The following GRIK2 variants were observed in gnomAD, a reference collection of about 807,000 sequenced individuals.
The protein encoded by GRIK2 is glutamate ionotropic receptor kainate type subunit 2.
In GRIK2, 32 loss-of-function variants were observed where a neutral mutation model predicts 100.3. The ratio of observed to expected loss-of-function variants is 0.32; its 90% confidence interval spans 0.24 to 0.43. The LOEUF (loss-of-function observed/expected upper bound fraction) is 0.43, where lower values mean the gene tolerates loss of function less well. GRIK2 is among the 20% of genes least tolerant of loss of function. GRIK2 has a pLI of 1.00. For missense variants in GRIK2, 843 were observed against 1,114.9 expected, an observed-to-expected ratio of 0.76 and a Z score of 3.47; for synonymous variants, 417 against 389.4, an observed-to-expected ratio of 1.07 and a Z score of -0.83.
chr6:101,603,113 A>G (rs1201222774), intron 2 of GRIK2, among the ~76,000 whole-genome samples: 1 of 151,640 alleles, frequency 6.6e-6, no homozygotes, highest in East Asian at 1.9e-4. Flanking sequence ...ATCAATGACA[A>G]AATCCCTAAT....
At position 101,633,407 on chromosome 6, in the gene GRIK2, C is replaced by T. The variant is rs145818430; in HGVS notation, c.541+6770C>T. On this transcript the variant is annotated intron_variant, in intron 4 of 16. Transcript: ENST00000369134. ...TGTAGTTTTTAGCAAGGGATTTGAC[C>T]ACTAACAGTCTGAGAGTTGATGCAT... 5.3e-5 allele frequency among the ~76,000 whole-genome samples: 8 copies of T among 152,042 alleles called. No individual in the cohort carries two copies. In the East Asian group the frequency reaches 1.6e-3, roughly 30 times the overall value.
intron 9 of GRIK2, among the ~76,000 whole-genome samples, chr6:101,806,888 G>A (rs1006119687): frequency 8.6e-5 from 13 of 151,010 alleles, no homozygotes; most frequent in African/African-American, 1.5e-4. Flanking sequence ...ATTTATTCAC[G>A]TGAACTTTAT....
rs186227540 is a variant in GRIK2 at position 101,542,093 on chromosome 6, G to A, written c.116-79856G>A. 1.1e-4 allele frequency among the ~76,000 whole-genome samples: 17 copies of A among 152,108 alleles called. No homozygotes were observed. In the East Asian group the frequency reaches 3.3e-3, roughly 29 times the overall value. ...ACTGCCAAAAAGTCTTGGATTCTAA[G>A]GTGTTTTTACTGTTTCCCGTGTTTC... On this transcript the variant is annotated intron_variant, in intron 2 of 16. Transcript: ENST00000369134.
chr6:101,677,977 C>T (rs1395635005), intron 5 of GRIK2, among the ~76,000 whole-genome samples: 1 of 151,848 alleles, frequency 6.6e-6, no homozygotes, highest in Non-Finnish European at 1.5e-5. Flanking sequence ...GTTTTTTTGG[C>T]AACAAATAAA....
intron 7 of GRIK2, among the ~76,000 whole-genome samples, chr6:101,775,674 T>G (rs1778699869): frequency 6.6e-6 from 1 of 151,794 alleles, no homozygotes; most frequent in South Asian, 2.1e-4. Context: ...CTGACAGATT[T>G]GGCTCATTGT....
At chr6:101,706,828 A>G (rs997407574) in intron 7 of GRIK2, among the ~76,000 whole-genome samples, 1 of 151,954 alleles carries the variant, frequency 6.6e-6, no homozygotes, top group Non-Finnish European at 1.5e-5. Context: ...TCTGAAGAGC[A>G]GCCTGCTGAA....
intron 14 of GRIK2, among the ~76,000 whole-genome samples, chr6:101,959,532 A>G (rs1792152417): frequency 1.3e-5 from 2 of 152,032 alleles, no homozygotes; most frequent in Admixed American, 1.3e-4. Context: ...CAAAAAGCCA[A>G]TTTTTATTTT....
chr6:101,626,789 A>C (rs2128318763), intron 4 of GRIK2, 152 bp downstream of exon 4: 1 of 625,096 alleles, frequency 1.6e-6, no homozygotes, highest in Admixed American at 3.1e-5. Context: ...CACCAATCCT[A>C]ATTTCACATA....
chr6:102,062,367 C>G lies in GRIK2; in HGVS notation c.2563-5980C>G, dbSNP rs1417109598. On this transcript the variant is annotated intron_variant, in intron 16 of 16. Coordinates refer to ENST00000369134, the MANE Select transcript of GRIK2 (RefSeq NM_021956.5). ...TAAAAAGCTCAGCTGAGAATGAAAT[C>G]ATCATTAATAAGGCAGGCTAATATG... Among the ~76,000 whole-genome samples, 4 of 150,260 alleles carry G rather than the reference C, an allele frequency of 2.7e-5. No homozygotes were observed. In the Admixed American group the frequency reaches 2.7e-4, roughly 10 times the overall value.
intron 7 of GRIK2, among the ~76,000 whole-genome samples, chr6:101,692,799 G>A (rs573563930): frequency 2.0e-5 from 3 of 151,794 alleles, no homozygotes; most frequent in Non-Finnish European, 4.4e-5. Context: ...TGTTACCACA[G>A]AAAAAACATT....
chr6:101,508,119 AT>A (rs1774116367), intron 2 of GRIK2, among the ~76,000 whole-genome samples: 1 of 151,894 alleles, frequency 6.6e-6, no homozygotes, highest in Non-Finnish European at 1.5e-5. Flanking sequence ...GGACTAAGTA[AT>A]CCTGTTTTAA....
chr6:101,690,048 A>G (rs1242160281), intron 7 of GRIK2, among the ~76,000 whole-genome samples: 1 of 152,124 alleles, frequency 6.6e-6, no homozygotes, highest in South Asian at 2.1e-4. Flanking sequence ...CAATGGTGAT[A>G]CTTGTTATTG....
intron 7 of GRIK2, among the ~76,000 whole-genome samples, chr6:101,731,944 A>T (rs1001807782): frequency 1.3e-5 from 2 of 152,054 alleles, no homozygotes; most frequent in African/African-American, 4.8e-5. Context: ...TTTTCTCAAA[A>T]ATAGTAAGGG....
chr6:101,773,426 G>A (rs1778530554), intron 7 of GRIK2, among the ~76,000 whole-genome samples: 1 of 149,422 alleles, frequency 6.7e-6, no homozygotes, highest in African/African-American at 2.5e-5. Flanking sequence ...GTTGCAGTGA[G>A]CCGAGATCGT....
chr6:102,026,148 A>ATATG (rs1554193711), intron 14 of GRIK2, among the ~76,000 whole-genome samples: 32 of 112,452 alleles, frequency 2.8e-4, no homozygotes, highest in Non-Finnish European at 5.5e-4. Flanking sequence ...ATATATATAT[A>ATATG]TATATATGAA....
At chr6:101,920,569 T>C (rs957252841) in intron 12 of GRIK2, among the ~76,000 whole-genome samples, 1 of 151,908 alleles carries the variant, frequency 6.6e-6, no homozygotes, top group Non-Finnish European at 1.5e-5. Context: ...GTCTCTATTA[T>C]AGATATCCTC....
chr6:101,484,368 C>A lies in GRIK2; in HGVS notation c.115+84976C>A, dbSNP rs115734037. 5.8e-3 allele frequency among the ~76,000 whole-genome samples: 877 copies of A among 152,230 alleles called. 7 individuals carry two copies. Among genetic ancestry groups the A allele is most frequent in the African/African-American group, 0.02 (820 of 41,544 alleles). On this transcript the variant is annotated intron_variant, in intron 2 of 16. Coordinates refer to ENST00000369134, the MANE Select transcript of GRIK2 (RefSeq NM_021956.5). ...TGTTGAATATTTGCCCCAAGACCTA[C>A]TACAGCCTGAATATTACTACTTTAG...
intron 7 of GRIK2, among the ~76,000 whole-genome samples, chr6:101,751,374 C>T (rs1409714651): frequency 3.3e-5 from 5 of 152,004 alleles, no homozygotes; most frequent in Non-Finnish European, 7.4e-5. Context: ...CTCACTATGG[C>T]ATCTTATTTC....
intron 2 of GRIK2, among the ~76,000 whole-genome samples, chr6:101,562,273 G>T (rs957350022): frequency 6.6e-6 from 1 of 152,004 alleles, no homozygotes; most frequent in Non-Finnish European, 1.5e-5. Flanking sequence ...ACTCATGGTG[G>T]CTTATTCTCC....
Sources: allele counts gnomAD v4.1 joint callset (sites outside exome capture counted in the v4.1 genomes callset), GRCh38; gene constraint gnomAD v4.1.1; transcripts MANE v1.5; gene names NCBI Gene and HGNC (gene_info 2026-07-23, HGNC 2026-07-21).